Variants in PRP4K observed in about 807,000 individuals in gnomAD.
PRP4K encodes the protein pre-mRNA processing factor kinase PRP4K.
At chr6:4,039,323 T>C in the PRP4K span, among the ~76,000 whole-genome samples, 1 of 152,330 alleles carries the variant, frequency 6.6e-6, no homozygotes, top group African/African-American at 2.4e-5. Flanking sequence ...TCTTGGGCTA[T>C]GAGTTTTCCG....
chr6:4,021,665 T>C, the PRP4K span, among the ~76,000 whole-genome samples: 2 of 151,898 alleles, frequency 1.3e-5, no homozygotes, highest in South Asian at 4.1e-4. Flanking sequence ...GCTGCTGGGG[T>C]GAAGGCGGCC....
At chr6:4,056,459 C>T in the PRP4K span, 38 of 1,611,974 alleles carry the variant, frequency 2.4e-5, 1 homozygote, top group South Asian at 3.5e-4. Context: ...TGTTCTTTGA[C>T]CTGGGCCATC....
the PRP4K span, chr6:4,032,751 C>T: frequency 6.4e-7 from 1 of 1,564,650 alleles, no homozygotes; most frequent in Non-Finnish European, 8.6e-7. Context: ...ACTTTCTTCT[C>T]CAAGGTAACT....
the PRP4K span, chr6:4,032,133 G>A: frequency 1.9e-6 from 3 of 1,613,230 alleles, no homozygotes; most frequent in Non-Finnish European, 2.5e-6. Flanking sequence ...GGGGGGTATT[G>A]AAATCGTTAA....
At chr6:4,064,946 T>G in the PRP4K span, 4 of 152,582 alleles carry the variant, frequency 2.6e-5, no homozygotes, top group Admixed American at 2.6e-4. Context: ...TCTAATTGAC[T>G]TACTGGGAAA....
chr6:4,049,704 A>T, the PRP4K span: 2 of 1,585,962 alleles, frequency 1.3e-6, no homozygotes, highest in Admixed American at 3.4e-5. Flanking sequence ...TATAGTCAGA[A>T]TTCTAATTTT....
At chr6:4,022,800 TAC>T in the PRP4K span, among the ~76,000 whole-genome samples, 3 of 152,222 alleles carry the variant, frequency 2.0e-5, no homozygotes, top group East Asian at 3.8e-4. Flanking sequence ...GTGGCACAAT[TAC>T]AGTGTTTATG....
the PRP4K span, among the ~76,000 whole-genome samples, chr6:4,035,284 ATTTTTTTTTTTTTTTTTT>A: frequency 1.2e-4 from 7 of 58,802 alleles, no homozygotes; most frequent in East Asian, 2.4e-3. Context: ...CGCCCGGCTA[ATTTTTTTTTTTTTTTTTT>A]TTTTTTTTTT....
the PRP4K span, among the ~76,000 whole-genome samples, chr6:4,026,148 T>C: frequency 6.6e-6 from 1 of 151,802 alleles, no homozygotes; most frequent in Non-Finnish European, 1.5e-5. Flanking sequence ...ATTACAGGCA[T>C]GTGCCACCAC....
the PRP4K span, chr6:4,031,764 A>G: frequency 0.68 from 1,093,223 of 1,605,740 alleles, 372,905 homozygotes; most frequent in East Asian, 0.79. Context: ...AAGAAAAGAG[A>G]TTATTGATGC....
At chr6:4,037,618 A>T in the PRP4K span, 1 of 1,563,354 alleles carries the variant, frequency 6.4e-7, no homozygotes, top group Non-Finnish European at 8.7e-7. Context: ...AATGTTTTTG[A>T]ACCACCAGTG....
the PRP4K span, chr6:4,060,349 CTGATTTA>C: frequency 7.0e-7 from 1 of 1,424,412 alleles, no homozygotes; most frequent in Non-Finnish European, 9.6e-7. The surrounding 1 kb of genome is among the most constrained non-coding windows in gnomAD (Gnocchi z 4.7). Flanking sequence ...CCAAAACAAT[CTGATTTA>C]AGTTGTATAT....
chr6:4,048,803 T>TG, the PRP4K span, among the ~76,000 whole-genome samples: 47 of 149,440 alleles, frequency 3.1e-4, no homozygotes, highest in East Asian at 9.7e-4. Context: ...GAGGGGTTTT[T>TG]GTTTTTTTTT....
chr6:4,036,788 A>T, the PRP4K span, among the ~76,000 whole-genome samples: 3 of 151,404 alleles, frequency 2.0e-5, no homozygotes, highest in Non-Finnish European at 3.0e-5. Context: ...GGAGTTCGAG[A>T]CCAGCCTGGG....
chr6:4,035,969 A>AAAT, the PRP4K span, among the ~76,000 whole-genome samples: 103 of 152,152 alleles, frequency 6.8e-4, no homozygotes, highest in Non-Finnish European at 1.1e-3. Flanking sequence ...CCATCTCAAA[A>AAAT]AATAATAATA....
chr6:4,046,153 C>T, the PRP4K span, among the ~76,000 whole-genome samples: 9 of 152,262 alleles, frequency 5.9e-5, no homozygotes, highest in African/African-American at 2.2e-4. Flanking sequence ...CGATAGTTCC[C>T]TAGAAGTGGG....
chr6:4,040,812 T>C, the PRP4K span: 1 of 1,613,956 alleles, frequency 6.2e-7, no homozygotes, highest in Non-Finnish European at 8.5e-7. Flanking sequence ...GCGAAGGCGG[T>C]CTCGATCACG....
chr6:4,022,847 A>G, the PRP4K span, among the ~76,000 whole-genome samples: 8 of 152,094 alleles, frequency 5.3e-5, no homozygotes, highest in Non-Finnish European at 1.0e-4. Context: ...ATGTGGTTAC[A>G]TTTTCTACTA....
chr6:4,034,173 A>G, the PRP4K span, among the ~76,000 whole-genome samples: 1 of 151,990 alleles, frequency 6.6e-6, no homozygotes, highest in Admixed American at 6.6e-5. Flanking sequence ...TTTTTTAACA[A>G]AACTGGAGTC....
Sources: gnomAD v4.1 joint callset for allele counts (sites outside exome capture counted in the v4.1 genomes callset) on GRCh38, gnomAD v4.1.1 for gene constraint, Gnocchi (gnomAD v3.1) non-coding constraint, MANE v1.5 for transcripts, NCBI Gene and HGNC (gene_info 2026-07-23, HGNC 2026-07-21) for gene names.